MYO1H: variants seen among roughly 807,000 people sequenced by gnomAD.
MYO1H encodes unconventional myosin-Ih.
In MYO1H, 118 loss-of-function variants were observed where a neutral mutation model predicts 149.3. The observed-to-expected ratio is 0.79, with a 90% confidence interval of 0.68 to 0.92. MYO1H has a LOEUF of 0.92. Among genes scored for constraint, MYO1H ranks in the 40% least tolerant of loss-of-function variants. The pLI is 0.00. For missense variants in MYO1H, 1,212 were observed against 1,280.7 expected, an observed-to-expected ratio of 0.95 and a Z score of 0.82; for synonymous variants, 447 against 465.2, an observed-to-expected ratio of 0.96 and a Z score of 0.50.
chr12:109,403,364 G>A (rs1388579025), intron 6 of MYO1H, among the ~76,000 whole-genome samples: 1 of 152,136 alleles, frequency 6.6e-6, no homozygotes, highest in African/African-American at 2.4e-5. Context: ...AGATAATTAG[G>A]AAACTAGGAA....
At chr12:109,390,711 C>T (rs1869611525) in intron 2 of MYO1H, among the ~76,000 whole-genome samples, 1 of 151,688 alleles carries the variant, frequency 6.6e-6, no homozygotes, top group South Asian at 2.1e-4. Context: ...GTCGCCCAGG[C>T]TGGGGTGCAG....
At chr12:109,427,159 T>C (rs1248673759) in intron 18 of MYO1H, among the ~76,000 whole-genome samples, 1 of 151,654 alleles carries the variant, frequency 6.6e-6, no homozygotes, top group African/African-American at 2.4e-5. Context: ...CTACTAAAAA[T>C]ACAAAAATTA....
intron 6 of MYO1H, among the ~76,000 whole-genome samples, chr12:109,401,857 A>G (rs1365479863): frequency 6.6e-6 from 1 of 151,600 alleles, no homozygotes; most frequent in Non-Finnish European, 1.5e-5. Context: ...CTCCCATCTC[A>G]GCCTCCCAAG....
At chr12:109,368,038 G>A (rs1868902824) in intron 1 of MYO1H, among the ~76,000 whole-genome samples, 1 of 152,110 alleles carries the variant, frequency 6.6e-6, no homozygotes, top group South Asian at 2.1e-4. Flanking sequence ...TCTTTTTGAT[G>A]AATATTTGCT....
rs1197423082 is a variant in MYO1H, at chr12:109,443,006, AAAAAT to A, written c.2689-506_2689-502del. Among the ~76,000 whole-genome samples, 68 of 84,588 alleles carry A rather than the reference AAAAAT, an allele frequency of 8.0e-4. 1 individual carries two copies. The highest frequency in any genetic ancestry group is 3.6e-3 in the African/African-American group (58 of 16,084). The allele number at this position is 84,588 out of a possible 152,430, so 55.5% of individuals were successfully genotyped here. A position where few individuals can be genotyped will look rare whatever the true frequency, so the allele number is the denominator to read the frequency against. ...TCATGCAGAGAGCCAGGAAAAAAAAAAAAATATATATATATATATATATGTGTGTG... is the reference window on the plus strand; with the variant it reads ...TCATGCAGAGAGCCAGGAAAAAAAAAATATATATATATATATATGTGTGTG... On this transcript the variant is annotated intron_variant, in intron 27 of 31. Coordinates refer to ENST00000310903, the Ensembl canonical transcript of MYO1H.
intron 1 of MYO1H, among the ~76,000 whole-genome samples, chr12:109,352,826 G>A (rs1868492858): frequency 6.6e-6 from 1 of 152,280 alleles, no homozygotes; most frequent in East Asian, 1.9e-4. Flanking sequence ...CTCGTGTTCA[G>A]TGTTTTTTCT....
chr12:109,336,645 A>G, the MYO1H span, among the ~76,000 whole-genome samples: 3 of 152,206 alleles, frequency 2.0e-5, no homozygotes, highest in African/African-American at 7.2e-5. Flanking sequence ...ATTAAAAGAA[A>G]AAATCCAGAA....
chr12:109,401,365 A>C, intron 6 of MYO1H, 93 bp downstream of exon 6: 1 of 1,291,590 alleles, frequency 7.7e-7, no homozygotes, highest in South Asian at 1.5e-5. Flanking sequence ...GAGACATTCT[A>C]TTACCATCCT....
intron 3 of MYO1H, 150 bp from the exon 4 acceptor site, chr12:109,396,234 T>G: frequency 1.6e-6 from 1 of 611,094 alleles, no homozygotes; most frequent in Non-Finnish European, 2.8e-6. Context: ...ATGGAAAGGG[T>G]TTGATATGTG....
intron 19 of MYO1H, among the ~76,000 whole-genome samples, chr12:109,430,011 C>T (rs1871543327): frequency 6.6e-6 from 1 of 152,236 alleles, no homozygotes; most frequent in South Asian, 2.1e-4. Flanking sequence ...GGGCACTAAT[C>T]TCATTTATGA....
chr12:109,430,440 G>A (rs1026187345), intron 19 of MYO1H, among the ~76,000 whole-genome samples: 2 of 152,258 alleles, frequency 1.3e-5, no homozygotes, highest in East Asian at 1.9e-4. Context: ...CTGGTATTGC[G>A]CAAGGTCTGC....
chr12:109,419,198 AC>A (rs1871062302), intron 15 of MYO1H, among the ~76,000 whole-genome samples: 1 of 152,042 alleles, frequency 6.6e-6, no homozygotes, highest in African/African-American at 2.4e-5. Flanking sequence ...ACACACACAC[AC>A]ACACACACAC....
the MYO1H span, among the ~76,000 whole-genome samples, chr12:109,324,679 C>A: frequency 5.3e-5 from 8 of 150,680 alleles, no homozygotes; most frequent in Non-Finnish European, 1.2e-4. Context: ...AGTCTCAGTT[C>A]TCATTTCTTT....
intron 5 of MYO1H, 39 bp from the exon 6 acceptor site, chr12:109,401,054 G>A (rs1056346292): frequency 6.3e-7 from 1 of 1,591,630 alleles, no homozygotes. Context: ...AGAGTGGTTT[G>A]ATTGTTGTCA....
chr12:109,403,989 G>A (rs1157491075), exon 7 of MYO1H: 5 of 1,612,824 alleles, frequency 3.1e-6, no homozygotes, highest in Non-Finnish European at 4.2e-6. Flanking sequence ...CAGGGTCATT[G>A]TGCCAAAGAG....
chr12:109,380,086 G>A (rs978298282), intron 1 of MYO1H, among the ~76,000 whole-genome samples: 8 of 151,614 alleles, frequency 5.3e-5, no homozygotes, highest in South Asian at 2.1e-4. Context: ...GTAGAGATAC[G>A]GTCTCGCTTT....
upstream of MYO1H, among the ~76,000 whole-genome samples, chr12:109,347,310 T>C (rs1241198946): frequency 1.3e-5 from 2 of 152,204 alleles, no homozygotes; most frequent in East Asian, 3.9e-4. Flanking sequence ...AGCTTCATGG[T>C]AAACCCATCT....
exon 2 of MYO1H, chr12:109,388,784 C>T (rs753750295): frequency 2.4e-5 from 39 of 1,613,120 alleles, no homozygotes; most frequent in Non-Finnish European, 3.2e-5. Context: ...TGGACGCGTA[C>T]ACCAGCGAAT....
intron 6 of MYO1H, among the ~76,000 whole-genome samples, chr12:109,403,319 T>C (rs566910420): frequency 6.6e-6 from 1 of 152,242 alleles, no homozygotes; most frequent in Non-Finnish European, 1.5e-5. Flanking sequence ...ATTTCCCCCA[T>C]GCAATGAAGA....
Sources: gnomAD v4.1 joint callset for allele counts (sites outside exome capture counted in the v4.1 genomes callset) on GRCh38, gnomAD v4.1.1 for gene constraint, MANE v1.5 for transcripts, NCBI Gene and HGNC (gene_info 2026-07-23, HGNC 2026-07-21) for gene names.